GRK4: variants seen among roughly 807,000 people sequenced by gnomAD.
The protein encoded by GRK4 is G protein-coupled receptor kinase 4, also known as G protein-coupled receptor kinase 2-like.
GRK4 carries 73 observed loss-of-function variants against 77.9 expected under a neutral mutation model. The observed-to-expected ratio is 0.94, with a 90% CI of 0.78 to 1.14. The LOEUF is 1.14. Ranked by LOEUF, GRK4 falls within the 50% of genes most tolerant of loss-of-function variation. The probability of loss-of-function intolerance (pLI) is 0.00; values close to 1 mark genes in which losing one functional copy is unlikely to be tolerated. For missense variants in GRK4, 729 were observed against 700.2 expected (o/e 1.04, Z -0.46); for synonymous variants, 257 against 254.4 (o/e 1.01, Z -0.10).
chr4:2,997,681 G>T (rs1376459556), intron 4 of GRK4, among the ~76,000 whole-genome samples: 2 of 152,130 alleles, frequency 1.3e-5, no homozygotes, highest in East Asian at 3.8e-4. Context: ...AGGCCGAGGT[G>T]GGCAGATCAT....
chr4:3,001,611 C>T (rs1276049373), intron 4 of GRK4, among the ~76,000 whole-genome samples: 1 of 152,128 alleles, frequency 6.6e-6, no homozygotes, highest in East Asian at 1.9e-4. Context: ...AGGTGATCCA[C>T]CCTCCTTCGC....
At position 3,013,751 on chromosome 4, in the gene GRK4, A is replaced by G. The variant is rs1451518141; in HGVS notation, c.664A>G (p.Arg222Gly). Residue 222 changes from arginine to glycine, a missense_variant, in exon 8 of 16, where the codon AGA (arginine) becomes GGA (glycine). Arg to Gly is a moderately radical substitution (Grantham distance 125, BLOSUM62 -2). Transcript: ENST00000398052. ...TGCCTGCAAAAAGCTACAAAAAAAA[A>G]GAATAAAGAAGAGGAAAGGTGAAGC... ...MYACKKLQKK[R>G]IKKRKGEAMA... The G allele has an allele frequency of 1.2e-6, 2 of 1,613,562 alleles. No individual in the cohort carries two copies. Among genetic ancestry groups the G allele is most frequent in the Non-Finnish European group, 1.7e-6 (2 of 1,179,804 alleles).
chr4:3,009,193 C>T (rs938240262), intron 6 of GRK4, among the ~76,000 whole-genome samples: 5 of 151,946 alleles, frequency 3.3e-5, no homozygotes, highest in African/African-American at 1.2e-4. Context: ...GAGGCTGAGG[C>T]GGGTGAATCA....
intron 4 of GRK4, among the ~76,000 whole-genome samples, chr4:2,995,631 A>G (rs1727630607): frequency 6.6e-6 from 1 of 152,062 alleles, no homozygotes; most frequent in Non-Finnish European, 1.5e-5. Flanking sequence ...CAGTGAACCA[A>G]AATTGTGCCA....
intron 10 of GRK4, 74 bp from the exon 11 acceptor site, chr4:3,027,838 T>C: frequency 7.9e-7 from 1 of 1,270,890 alleles, no homozygotes; most frequent in Non-Finnish European, 1.1e-6. Context: ...AGGGGCCTTT[T>C]TTCCCATTTT....
At chr4:3,037,854 G>T (rs1157522790) in intron 14 of GRK4, among the ~76,000 whole-genome samples, 1 of 151,558 alleles carries the variant, frequency 6.6e-6, no homozygotes, top group East Asian at 1.9e-4. Context: ...GGCAGAAGTT[G>T]CAGTGAGCTG....
chr4:2,981,613 G>C (rs1722892697), intron 1 of GRK4, among the ~76,000 whole-genome samples: 1 of 152,236 alleles, frequency 6.6e-6, no homozygotes, highest in Non-Finnish European at 1.5e-5. Flanking sequence ...GTCTGGCTGA[G>C]TCTGGGGTTT....
chr4:2,996,082 T>TC (rs996364366), intron 4 of GRK4, among the ~76,000 whole-genome samples: 9 of 151,816 alleles, frequency 5.9e-5, no homozygotes, highest in East Asian at 1.9e-4. Flanking sequence ...TTTTTTTTTT[T>TC]CCCCCTTCTT....
intron 4 of GRK4, among the ~76,000 whole-genome samples, chr4:2,996,646 A>G (rs1027131576): frequency 2.6e-5 from 4 of 152,056 alleles, no homozygotes; most frequent in East Asian, 1.9e-4. Flanking sequence ...GGGGATAGAC[A>G]AATGTTTAGA....
chr4:3,040,744 A>G lies in GRK4; in HGVS notation c.*119A>G, dbSNP rs1742160063. 1 of 646,516 alleles carries G rather than the reference A, an allele frequency of 1.5e-6. No homozygotes were observed. Among genetic ancestry groups the G allele is most frequent in the South Asian group, 2.1e-5 (1 of 46,568 alleles). 40.0% of individuals were successfully genotyped at this position (646,516 alleles called of 1,614,324 possible). A position where few individuals can be genotyped will look rare whatever the true frequency, so the allele number is the denominator to read the frequency against. ...AATAAAACATGCCTTGGGAGTGTACAGACCTTTCTGCACTAATACCTGAGT... is the reference window on the plus strand; with the variant it reads ...AATAAAACATGCCTTGGGAGTGTACGGACCTTTCTGCACTAATACCTGAGT... On this transcript the variant is annotated 3_prime_UTR_variant, in exon 16 of 16. Transcript: ENST00000398052.
chr4:3,009,265 A>G (rs1019614304), intron 6 of GRK4, among the ~76,000 whole-genome samples: 2 of 151,904 alleles, frequency 1.3e-5, no homozygotes, highest in African/African-American at 4.8e-5. Context: ...TACTAAAAAT[A>G]CAAAAAATTA....
At position 3,032,684 on chromosome 4, in the gene GRK4, G is replaced by A. The variant is rs193032353; in HGVS notation, c.1270-2702G>A. Among the ~76,000 whole-genome samples, 277 of 152,328 alleles carry A rather than the reference G, an allele frequency of 1.8e-3. 2 individuals are homozygous for A. The highest frequency in any genetic ancestry group is 3.7e-3 in the Admixed American group (56 of 15,302). On this transcript the variant is annotated intron_variant, in intron 12 of 15. Coordinates refer to ENST00000398052, the MANE Select transcript of GRK4 (RefSeq NM_182982.3). ...TTACAGGATCATCTCTCCCAGCTCA[G>A]TTTCTCATTTATGAAATGTAGATGA...
At chr4:2,989,830 A>G (rs1018673028) in intron 3 of GRK4, among the ~76,000 whole-genome samples, 2 of 152,216 alleles carry the variant, frequency 1.3e-5, no homozygotes, top group Non-Finnish European at 2.9e-5. Context: ...AAGAAACTTT[A>G]TGTTTCTCAG....
chr4:2,964,630 C>G lies in GRK4; in HGVS notation c.52+508C>G, dbSNP rs1467463699. ...TGGTTTTGAGGTTTGATCTGAGGCTCTATGGTGTGTCAAGTGTGCTTTAGC... is the reference window on the plus strand; with the variant it reads ...TGGTTTTGAGGTTTGATCTGAGGCTGTATGGTGTGTCAAGTGTGCTTTAGC... On this transcript the variant is annotated intron_variant, in intron 1 of 15. Coordinates refer to ENST00000398052, the MANE Select transcript of GRK4 (RefSeq NM_182982.3). Among the ~76,000 whole-genome samples the G allele has an allele frequency of 2.0e-5, 3 of 152,144 alleles. No individual in the cohort carries two copies. In the East Asian group the frequency reaches 5.8e-4, roughly 29 times the overall value.
At chr4:2,978,046 A>G (rs936246210) in intron 1 of GRK4, among the ~76,000 whole-genome samples, 4 of 152,338 alleles carry the variant, frequency 2.6e-5, no homozygotes, top group African/African-American at 9.6e-5. Context: ...TGCCCTGACT[A>G]TATCTCTTTT....
intron 4 of GRK4, among the ~76,000 whole-genome samples, chr4:3,001,267 G>A (rs867432502): frequency 1.2e-4 from 8 of 68,012 alleles, no homozygotes; most frequent in African/African-American, 5.0e-4. Context: ...ATATATATGT[G>A]TGTATGTATG....
chr4:2,964,080 G>C lies in GRK4; in HGVS notation c.10G>C (p.Glu4Gln). 6.2e-7 allele frequency: 1 copy of C among 1,609,354 alleles called. No homozygotes were observed. The highest frequency in any genetic ancestry group is 8.5e-7 in the Non-Finnish European group (1 of 1,179,132). MEL[E>Q]NIVANSLLLK... is the part of the protein sequence containing the mutation. ...GCGGCGGCGCCAGGACATGGAGCTC[G>C]AGAACATCGTGGCCAACTCGCTGCT... The change falls in exon 1 of 16, where the codon GAG (glutamate) becomes CAG (glutamine). Residue 4 changes from glutamate to glutamine, a missense_variant. Physicochemically the swap from Glu to Gln is conservative, Grantham distance 29. Transcript: ENST00000398052.
intron 1 of GRK4, among the ~76,000 whole-genome samples, chr4:2,970,230 ATATTT>A (rs756345906): frequency 1.3e-5 from 2 of 152,104 alleles, no homozygotes; most frequent in Non-Finnish European, 2.9e-5. Context: ...TGGTTTTCTT[ATATTT>A]TCTACTTTGT....
In GRK4 at chr4:3,009,146, C is replaced by T. The variant is rs183396797; in HGVS notation, c.537-502C>T. The stretch of plus-strand genomic sequence containing the variant: ...TAAATATTAATTAAGATTAATTGGC[C>T]GGGTGGTGGCTCACGCCTATAATCC... On this transcript the variant is annotated intron_variant, in intron 6 of 15. Coordinates refer to ENST00000398052, the MANE Select transcript of GRK4 (RefSeq NM_182982.3). Among the ~76,000 whole-genome samples, 270 of 151,798 alleles carry T rather than the reference C, an allele frequency of 1.8e-3. 2 individuals are homozygous for T. The highest frequency in any genetic ancestry group is 3.3e-3 in the South Asian group (16 of 4,778).
Sources: allele counts gnomAD v4.1 joint callset (sites outside exome capture counted in the v4.1 genomes callset), GRCh38; gene constraint gnomAD v4.1.1; transcripts MANE v1.5; gene names NCBI Gene and HGNC (gene_info 2026-07-23, HGNC 2026-07-21).